Variants in PALLD observed in about 807,000 individuals in gnomAD.
The protein encoded by PALLD is palladin.
PALLD carries 61 observed loss-of-function variants against 123.5 expected under a neutral mutation model. The ratio of observed to expected loss-of-function variants is 0.49; its 90% CI spans 0.40 to 0.61. PALLD has a LOEUF of 0.61. Ranked by LOEUF, PALLD falls within the 20% of genes least tolerant of loss-of-function variation. The pLI is 0.00. For missense variants in PALLD, 1,273 were observed against 1,377.0 expected (o/e 0.92, Z 1.20); for synonymous variants, 465 against 496.4 (o/e 0.94, Z 0.84).
chr4:168,560,998 G>C (rs142814603), intron 2 of PALLD, among the ~76,000 whole-genome samples: 142 of 152,278 alleles, frequency 9.3e-4, no homozygotes, highest in Middle Eastern at 3.4e-3. Flanking sequence ...CAGTGGAAAA[G>C]TAGGAAAACA....
chr4:168,676,672 A>G (rs976119815), intron 3 of PALLD, among the ~76,000 whole-genome samples: 1 of 150,372 alleles, frequency 6.7e-6, no homozygotes, highest in South Asian at 2.1e-4. Context: ...TGCAAGCTCC[A>G]CCTCCTGGGT....
chr4:168,516,394 T>C (rs1762992542), intron 2 of PALLD, among the ~76,000 whole-genome samples: 1 of 152,166 alleles, frequency 6.6e-6, no homozygotes, highest in African/African-American at 2.4e-5. Flanking sequence ...AGTAAAAAAT[T>C]TGTGAAGAAT....
chr4:168,501,523 G>A (rs1257506363), intron 1 of PALLD, among the ~76,000 whole-genome samples: 1 of 152,204 alleles, frequency 6.6e-6, no homozygotes, highest in Non-Finnish European at 1.5e-5. Flanking sequence ...ATGCTTATAA[G>A]GATATAAGCT....
chr4:168,548,745 A>G (rs919113595), intron 2 of PALLD, among the ~76,000 whole-genome samples: 2 of 152,198 alleles, frequency 1.3e-5, no homozygotes, highest in African/African-American at 4.8e-5. Context: ...TATTTTTAAA[A>G]CTATCTTACA....
At chr4:168,811,211 TAA>T (rs1741061439) in intron 10 of PALLD, among the ~76,000 whole-genome samples, 2 of 152,224 alleles carry the variant, frequency 1.3e-5, no homozygotes, top group African/African-American at 4.8e-5. Context: ...AGCCAACATG[TAA>T]AGTGACATCC....
intron 10 of PALLD, among the ~76,000 whole-genome samples, chr4:168,881,734 T>A (rs1296127338): frequency 1.3e-5 from 2 of 152,106 alleles, no homozygotes; most frequent in African/African-American, 4.8e-5. Context: ...TTTGCACTTT[T>A]ATAAAATTAA....
intron 10 of PALLD, among the ~76,000 whole-genome samples, chr4:168,783,125 A>G (rs1382468536): frequency 6.6e-6 from 1 of 151,400 alleles, no homozygotes. Flanking sequence ...CCATATATTC[A>G]TGGTAGCTGC....
At chr4:168,890,601 A>C (rs542567625) in intron 10 of PALLD, among the ~76,000 whole-genome samples, 2 of 152,132 alleles carry the variant, frequency 1.3e-5, no homozygotes, top group African/African-American at 4.8e-5. Flanking sequence ...ACCTAGCTCT[A>C]CTTATAAATC....
intron 10 of PALLD, among the ~76,000 whole-genome samples, chr4:168,814,641 C>T (rs139615968): frequency 9.2e-5 from 14 of 152,318 alleles, no homozygotes; most frequent in Middle Eastern, 3.4e-3. Context: ...TTCTTGATTC[C>T]AACAGTTCTC....
chr4:168,772,466 A>G (rs1734585320), intron 10 of PALLD, among the ~76,000 whole-genome samples: 1 of 152,244 alleles, frequency 6.6e-6, no homozygotes, highest in Admixed American at 6.5e-5. Flanking sequence ...AAACAGCCCC[A>G]GAGTGATGAT....
At chr4:168,782,939 C>CA (rs1554082015) in intron 10 of PALLD, among the ~76,000 whole-genome samples, 1 of 151,442 alleles carries the variant, frequency 6.6e-6, no homozygotes, top group Non-Finnish European at 1.5e-5. Flanking sequence ...CAAAAAAAAA[C>CA]TTTTTTTACA....
chr4:168,718,324 C>A (rs1785567833), intron 10 of PALLD, among the ~76,000 whole-genome samples: 1 of 152,098 alleles, frequency 6.6e-6, no homozygotes, highest in Non-Finnish European at 1.5e-5. Flanking sequence ...AGGACAAAGA[C>A]AAGGTAAGCA....
chr4:168,776,473 C>G (rs1240836846), intron 10 of PALLD, among the ~76,000 whole-genome samples: 1 of 152,190 alleles, frequency 6.6e-6, no homozygotes, highest in Non-Finnish European at 1.5e-5. Flanking sequence ...TTCCTCCTTT[C>G]CAAACTAGAT....
chr4:168,734,258 A>T (rs916665361), intron 10 of PALLD, among the ~76,000 whole-genome samples: 1 of 152,050 alleles, frequency 6.6e-6, no homozygotes, highest in Non-Finnish European at 1.5e-5. Context: ...AAATAACGGT[A>T]TAAGTCCTGG....
At chr4:168,851,855 T>C (rs1291425103) in intron 10 of PALLD, among the ~76,000 whole-genome samples, 1 of 152,176 alleles carries the variant, frequency 6.6e-6, no homozygotes, top group Admixed American at 6.5e-5. Flanking sequence ...TCCACCGCAT[T>C]TCAGGTCTCC....
Position 168,690,647 on chromosome 4 carries a change from G to A in PALLD, c.1380G>A (p.Leu460=), listed in dbSNP as rs371908464. The change falls in exon 7 of 22, where the codon CTG becomes CTA. Residue 460 remains leucine (L), a synonymous_variant. Transcript: ENST00000505667. Reference sequence around the variant, plus strand: ...TGGCGGAAGGCCAGGTGGTGGTTCTGGAGTGCCGGGTCCGTGGGGCACCCC... The same window carrying A: ...TGGCGGAAGGCCAGGTGGTGGTTCTAGAGTGCCGGGTCCGTGGGGCACCCC... The part of the protein sequence containing the change: ...TAVAEGQVVV[L]ECRVRGAPPL... 1 of 1,614,086 alleles carries A rather than the reference G, an allele frequency of 6.2e-7. No homozygotes were observed. Among genetic ancestry groups the A allele is most frequent in the East Asian group, 2.2e-5 (1 of 44,892 alleles).
chr4:168,700,848 GAAACCCCTGTTTCTAAA>G (rs1240943908), intron 8 of PALLD: 1 of 152,052 alleles, frequency 6.6e-6, no homozygotes, highest in Non-Finnish European at 1.5e-5. Context: ...GGGCAACAGT[GAAACCCCTGTTTCTAAA>G]AAAAAGATTT....
Position 168,671,140 on chromosome 4 carries a change from A to G in PALLD, c.1087+2772A>G, listed in dbSNP as rs904061382. The stretch of plus-strand genomic sequence containing the variant: ...GCATGATATATAAGATATATATAAA[A>G]TCATATATATACTATAAAATGAGAT... On this transcript the variant is annotated intron_variant, in intron 3 of 21. Transcript: ENST00000505667. Among the ~76,000 whole-genome samples the G allele has an allele frequency of 2.6e-5, 4 of 152,108 alleles. No homozygotes were observed. The East Asian group carries it at 7.7e-4, about 29-fold the overall frequency.
At chr4:168,589,369 G>A (rs1771171801) in intron 2 of PALLD, among the ~76,000 whole-genome samples, 1 of 152,160 alleles carries the variant, frequency 6.6e-6, no homozygotes, top group Non-Finnish European at 1.5e-5. Context: ...GCTCCAAGAT[G>A]AGATCAGAAA....
Sources: gnomAD v4.1 joint callset for allele counts (sites outside exome capture counted in the v4.1 genomes callset) on GRCh38, gnomAD v4.1.1 for gene constraint, MANE v1.5 for transcripts, NCBI Gene and HGNC (gene_info 2026-07-23, HGNC 2026-07-21) for gene names.